ARHGAP22: variants seen among roughly 807,000 people sequenced by gnomAD.
The protein encoded by ARHGAP22 is rho GTPase-activating protein 22.
A neutral mutation model predicts 59.1 loss-of-function variants in ARHGAP22; 48 were observed. That is an observed-to-expected ratio of 0.81 (90% CI 0.64 to 1.03). ARHGAP22 has a LOEUF of 1.03. Among genes scored for constraint, ARHGAP22 ranks in the 50% least tolerant of loss-of-function variants. The pLI is 0.00. For synonymous variants in ARHGAP22, 445 were observed against 416.4 expected (o/e 1.07, Z -0.84); for missense variants, 1,015 against 958.7 (o/e 1.06, Z -0.78).
chr10:48,580,748 GT>G (rs1019189255), intron 2 of ARHGAP22, among the ~76,000 whole-genome samples: 2 of 152,120 alleles, frequency 1.3e-5, no homozygotes, highest in Non-Finnish European at 2.9e-5. Flanking sequence ...TAGCCTAGGA[GT>G]GAGCCTGAGG....
intron 1 of ARHGAP22, among the ~76,000 whole-genome samples, chr10:48,600,573 G>A (rs1366476814): frequency 6.6e-6 from 1 of 151,382 alleles, no homozygotes; most frequent in Non-Finnish European, 1.5e-5. Flanking sequence ...AAATCAGGCT[G>A]CAGTGTGATT....
intron 5 of ARHGAP22, among the ~76,000 whole-genome samples, chr10:48,458,260 G>A (rs1042701721): frequency 5.9e-5 from 9 of 152,264 alleles, no homozygotes; most frequent in Middle Eastern, 3.4e-3. Flanking sequence ...AGACAGGGGA[G>A]GGCCTCCAAG....
intron 1 of ARHGAP22, among the ~76,000 whole-genome samples, chr10:48,586,636 T>C (rs1471786722): frequency 2.0e-5 from 3 of 152,178 alleles, no homozygotes; most frequent in African/African-American, 7.2e-5. Flanking sequence ...TGTGCCACTT[T>C]CCCCATCACT....
chr10:48,563,868 G>A (rs748399323), intron 2 of ARHGAP22, among the ~76,000 whole-genome samples: 4 of 151,970 alleles, frequency 2.6e-5, no homozygotes, highest in Non-Finnish European at 4.4e-5. Flanking sequence ...GACATATTGG[G>A]TAATCCAATA....
chr10:48,447,252 T>A lies in ARHGAP22; in HGVS notation c.1869-633A>T, dbSNP rs540511388. Among the ~76,000 whole-genome samples, 15 of 152,318 alleles carry A rather than the reference T, an allele frequency of 9.8e-5. No homozygotes were observed. The South Asian group carries it at 3.1e-3, about 32-fold the overall frequency. On this transcript the variant is annotated intron_variant, in intron 9 of 9. Transcript: ENST00000249601. The stretch of plus-strand genomic sequence containing the variant: ...AGGCTCATGCTGCAGTGTGCCAAGG[T>A]TGGCATGGCCATCTTTTTGACCAGA...
chr10:48,512,921 T>C (rs769906658), intron 3 of ARHGAP22, among the ~76,000 whole-genome samples: 2 of 152,242 alleles, frequency 1.3e-5, no homozygotes, highest in Non-Finnish European at 2.9e-5. Context: ...CTTGCTCATA[T>C]ACCTTGGTAT....
intron 3 of ARHGAP22, among the ~76,000 whole-genome samples, chr10:48,538,228 G>C (rs2055562925): frequency 6.6e-6 from 1 of 152,108 alleles, no homozygotes; most frequent in South Asian, 2.1e-4. Context: ...CCCAGCTTCT[G>C]CTTCTGTCTT....
intron 3 of ARHGAP22, among the ~76,000 whole-genome samples, chr10:48,496,323 G>A (rs2050923168): frequency 2.0e-5 from 3 of 152,066 alleles, no homozygotes; most frequent in Non-Finnish European, 1.5e-5. Context: ...AATAAAGATG[G>A]GGACGGTAAT....
At chr10:48,577,415 T>C (rs922797031) in intron 2 of ARHGAP22, among the ~76,000 whole-genome samples, 1 of 152,200 alleles carries the variant, frequency 6.6e-6, no homozygotes, top group African/African-American at 2.4e-5. Context: ...TGGTTCTCTA[T>C]GGAGCTGACT....
Position 48,446,291 on chromosome 10 carries a change from C to G in ARHGAP22, c.*100G>C. 1 of 1,307,686 alleles carries G rather than the reference C, an allele frequency of 7.6e-7. No homozygotes were observed. Among genetic ancestry groups the G allele is most frequent in the Non-Finnish European group, 1.1e-6 (1 of 939,496 alleles). The allele number at this position is 1,307,686 out of a possible 1,614,324, so 81.0% of individuals were successfully genotyped here. On this transcript the variant is annotated 3_prime_UTR_variant, in exon 10 of 10. Coordinates refer to ENST00000249601, the MANE Select transcript of ARHGAP22 (RefSeq NM_021226.4). Reference sequence around the variant, plus strand: ...TCAGGATCTCTCTCTCTCCAGCTGGCTCCAGAGCGCCTGGCTGCTCCAGAG... The same window carrying G: ...TCAGGATCTCTCTCTCTCCAGCTGGGTCCAGAGCGCCTGGCTGCTCCAGAG...
intron 3 of ARHGAP22, among the ~76,000 whole-genome samples, chr10:48,554,046 C>G (rs995382164): frequency 7.9e-5 from 12 of 152,252 alleles, no homozygotes; most frequent in Non-Finnish European, 1.8e-4. Context: ...CTGTTTTCTA[C>G]TCCATACCCC....
chr10:48,461,206 C>T (rs1322812754), intron 4 of ARHGAP22, among the ~76,000 whole-genome samples: 1 of 152,098 alleles, frequency 6.6e-6, no homozygotes. Context: ...CAAAAGAAGC[C>T]AAACCCCAGA....
At chr10:48,489,315 T>C (rs1283910487) in intron 3 of ARHGAP22, among the ~76,000 whole-genome samples, 1 of 152,182 alleles carries the variant, frequency 6.6e-6, no homozygotes, top group Non-Finnish European at 1.5e-5. Flanking sequence ...AAACCGAGGC[T>C]CAGAGAAGTT....
chr10:48,572,453 C>T (rs528489424), intron 2 of ARHGAP22, among the ~76,000 whole-genome samples: 5 of 152,318 alleles, frequency 3.3e-5, no homozygotes, highest in South Asian at 4.1e-4. Flanking sequence ...TGGCTCTGAC[C>T]AGTTAACAAG....
intron 3 of ARHGAP22, among the ~76,000 whole-genome samples, chr10:48,480,883 C>T (rs1564737185): frequency 6.6e-6 from 1 of 152,252 alleles, no homozygotes; most frequent in East Asian, 1.9e-4. Context: ...CACTCTCCCT[C>T]CTGCCATCTC....
chr10:48,616,417 GAAGAAGAATATTTCAAGGA>G (rs1443388163), intron 1 of ARHGAP22, among the ~76,000 whole-genome samples: 2 of 152,100 alleles, frequency 1.3e-5, no homozygotes, highest in Non-Finnish European at 2.9e-5. Context: ...AGGAAAAGGA[GAAGAAGAATATTTCAAGGA>G]ATAATGGCCA....
chr10:48,534,552 T>C (rs1215582116), intron 3 of ARHGAP22, among the ~76,000 whole-genome samples: 1 of 152,078 alleles, frequency 6.6e-6, no homozygotes, highest in African/African-American at 2.4e-5. Context: ...GCACTCAGGG[T>C]GGGAGGCGGT....
chr10:48,592,223 A>C (rs2059802561), intron 1 of ARHGAP22, among the ~76,000 whole-genome samples: 1 of 152,056 alleles, frequency 6.6e-6, no homozygotes, highest in Non-Finnish European at 1.5e-5. Flanking sequence ...TCACCACTAC[A>C]TTGCCTAGGC....
At chr10:48,530,609 G>A (rs1589979131) in intron 3 of ARHGAP22, among the ~76,000 whole-genome samples, 1 of 152,136 alleles carries the variant, frequency 6.6e-6, no homozygotes, top group South Asian at 2.1e-4. Context: ...ATGGGCTAAG[G>A]ACACGAACAA....
Sources: gnomAD v4.1 joint callset for allele counts (sites outside exome capture counted in the v4.1 genomes callset) on GRCh38, gnomAD v4.1.1 for gene constraint, MANE v1.5 for transcripts, NCBI Gene and HGNC (gene_info 2026-07-23, HGNC 2026-07-21) for gene names.